PCSK5: variants seen among roughly 807,000 people sequenced by gnomAD.
PCSK5 encodes proprotein convertase subtilisin/kexin type 5.
PCSK5 carries 129 observed loss-of-function variants against 233.2 expected under a neutral mutation model. The observed-to-expected ratio is 0.55, with a 90% CI of 0.48 to 0.64. PCSK5 has a LOEUF of 0.64. Ranked by LOEUF, PCSK5 falls within the 30% of genes least tolerant of loss-of-function variation. PCSK5 has a pLI of 0.00. For missense variants in PCSK5, 2,076 were observed against 2,430.1 expected (o/e 0.85, Z 3.06); for synonymous variants, 825 against 879.2 (o/e 0.94, Z 1.09).
Position 76,073,990 on chromosome 9 carries a change from A to G in PCSK5, c.894+2092A>G, listed in dbSNP as rs970401501. 3.9e-5 allele frequency among the ~76,000 whole-genome samples: 6 copies of G among 152,334 alleles called. No homozygotes were observed. The East Asian group carries it at 5.8e-4, about 15-fold the overall frequency. On this transcript the variant is annotated intron_variant, in intron 7 of 37. Transcript: ENST00000674117. ...CCAACACATGAGGAAGATTATATTTAGAAATAATTTGGAGGAAATTTACTT... is the reference window on the plus strand; with the variant it reads ...CCAACACATGAGGAAGATTATATTTGGAAATAATTTGGAGGAAATTTACTT...
chr9:76,048,599 C>T (rs1256554503), intron 5 of PCSK5, among the ~76,000 whole-genome samples: 2 of 152,162 alleles, frequency 1.3e-5, no homozygotes, highest in Non-Finnish European at 2.9e-5. Flanking sequence ...AGTAAGATGG[C>T]TGTATTACTT....
chr9:76,046,542 T>C (rs1829405259), intron 5 of PCSK5, among the ~76,000 whole-genome samples: 1 of 149,000 alleles, frequency 6.7e-6, no homozygotes, highest in South Asian at 2.1e-4. Flanking sequence ...TCTAGTTCTT[T>C]TTTTTTCTTT....
At chr9:75,933,276 G>A (rs533414748) in intron 2 of PCSK5, among the ~76,000 whole-genome samples, 2 of 152,248 alleles carry the variant, frequency 1.3e-5, no homozygotes, top group African/African-American at 4.8e-5. Context: ...TTTTGACTGA[G>A]AACTAATTGG....
At chr9:76,162,762 G>A (rs1481310502) in intron 12 of PCSK5, among the ~76,000 whole-genome samples, 1 of 152,160 alleles carries the variant, frequency 6.6e-6, no homozygotes, top group African/African-American at 2.4e-5. Flanking sequence ...AGATGCAGAT[G>A]TTGGCTTCTT....
At chr9:76,332,018 C>T (rs1377806698) in intron 33 of PCSK5, among the ~76,000 whole-genome samples, 1 of 152,188 alleles carries the variant, frequency 6.6e-6, no homozygotes, top group Non-Finnish European at 1.5e-5. Flanking sequence ...GCTGGGGCTT[C>T]CCCCTAGTTA....
intron 20 of PCSK5, among the ~76,000 whole-genome samples, 172 bp from the exon 21 acceptor site, chr9:76,227,331 T>C (rs2131309578): frequency 6.6e-6 from 1 of 152,306 alleles, no homozygotes; most frequent in African/African-American, 2.4e-5. Flanking sequence ...GGAGCAGTTG[T>C]TATGATAAGG....
At chr9:76,022,922 A>G (rs565489032) in intron 3 of PCSK5, among the ~76,000 whole-genome samples, 2 of 152,298 alleles carry the variant, frequency 1.3e-5, no homozygotes, top group Admixed American at 1.3e-4. Context: ...TAGTGAAAGA[A>G]GTGTGGAGAA....
At chr9:75,982,927 A>C (rs1292036721) in intron 2 of PCSK5, among the ~76,000 whole-genome samples, 1 of 152,038 alleles carries the variant, frequency 6.6e-6, no homozygotes, top group Non-Finnish European at 1.5e-5. Context: ...TATCTGATTC[A>C]TTCGTTCTGA....
At chr9:76,175,985 C>G (rs1823596872) in intron 14 of PCSK5, among the ~76,000 whole-genome samples, 1 of 150,978 alleles carries the variant, frequency 6.6e-6, no homozygotes, top group Non-Finnish European at 1.5e-5. Context: ...TCTCACTTAT[C>G]ACTGTTAAGT....
At chr9:76,160,444 T>G (rs1822804253) in intron 12 of PCSK5, among the ~76,000 whole-genome samples, 1 of 152,216 alleles carries the variant, frequency 6.6e-6, no homozygotes, top group Non-Finnish European at 1.5e-5. Context: ...TGATTTTTTT[T>G]TCTCTCAGAA....
chr9:75,931,698 T>C (rs1480548027), intron 1 of PCSK5, among the ~76,000 whole-genome samples: 1 of 152,232 alleles, frequency 6.6e-6, no homozygotes, highest in Non-Finnish European at 1.5e-5. Context: ...GAAAGGTGTA[T>C]GTAAATGAGA....
intron 3 of PCSK5, among the ~76,000 whole-genome samples, chr9:75,994,992 C>T (rs924280564): frequency 7.9e-5 from 12 of 152,208 alleles, no homozygotes; most frequent in Admixed American, 3.3e-4. Context: ...GCTTTCAGCC[C>T]ATAGGCTTTA....
chr9:75,910,410 T>C (rs920536077), intron 1 of PCSK5, among the ~76,000 whole-genome samples: 10 of 152,202 alleles, frequency 6.6e-5, no homozygotes, highest in Admixed American at 2.0e-4. Context: ...GTTTGGAGAT[T>C]TGCATTTCCT....
intron 2 of PCSK5, among the ~76,000 whole-genome samples, chr9:75,982,991 T>A (rs1000239455): frequency 6.6e-6 from 1 of 152,088 alleles, no homozygotes; most frequent in Non-Finnish European, 1.5e-5. Context: ...TGGTTGTTGT[T>A]CCAACCAATG....
intron 3 of PCSK5, among the ~76,000 whole-genome samples, chr9:75,993,346 A>G (rs1191200341): frequency 3.3e-5 from 5 of 152,130 alleles, no homozygotes; most frequent in Non-Finnish European, 4.4e-5. Context: ...ACCTCTAGAA[A>G]GGTATTTACC....
At chr9:76,277,626 C>T (rs1827734629) in intron 24 of PCSK5, among the ~76,000 whole-genome samples, 1 of 152,196 alleles carries the variant, frequency 6.6e-6, no homozygotes, top group African/African-American at 2.4e-5. Context: ...AACATTTATT[C>T]ATTATCCCTG....
chr9:76,119,671 T>A (rs534867631), intron 9 of PCSK5, among the ~76,000 whole-genome samples: 1 of 152,180 alleles, frequency 6.6e-6, no homozygotes, highest in South Asian at 2.1e-4. Context: ...TGCATGTACA[T>A]AGTATGTGTA....
intron 2 of PCSK5, among the ~76,000 whole-genome samples, chr9:75,981,590 C>T (rs1682470708): frequency 6.6e-6 from 1 of 152,124 alleles, no homozygotes; most frequent in Non-Finnish European, 1.5e-5. Context: ...TCTCACTCCC[C>T]TACCCAGGCA....
At chr9:75,969,597 C>G (rs73450650) in intron 2 of PCSK5, among the ~76,000 whole-genome samples, 1 of 152,072 alleles carries the variant, frequency 6.6e-6, no homozygotes, top group Non-Finnish European at 1.5e-5. Flanking sequence ...TCTGGTCAGT[C>G]GGGTCTAAAC....
Sources: allele counts gnomAD v4.1 joint callset (sites outside exome capture counted in the v4.1 genomes callset), GRCh38; gene constraint gnomAD v4.1.1; transcripts MANE v1.5; gene names NCBI Gene and HGNC (gene_info 2026-07-23, HGNC 2026-07-21).